GGACT: variants seen among roughly 807,000 people sequenced by gnomAD.
GGACT encodes gamma-glutamylaminecyclotransferase.
For synonymous variants in GGACT, 118 were observed against 115.3 expected, an observed-to-expected ratio of 1.02 and a Z score of -0.15; for missense variants, 241 against 233.2, an observed-to-expected ratio of 1.03 and a Z score of -0.22.
intron 1 of GGACT, among the ~76,000 whole-genome samples, chr13:100,584,396 T>A (rs1642301783): frequency 6.6e-6 from 1 of 152,192 alleles, no homozygotes; most frequent in Admixed American, 6.5e-5. Context: ...CTTTGCATGT[T>A]CTTACTCATT....
At chr13:100,575,745 C>T (rs112291783) in intron 2 of GGACT, among the ~76,000 whole-genome samples, 4,688 of 152,248 alleles carry the variant, frequency 0.031, 105 homozygotes, top group Non-Finnish European at 0.05. Flanking sequence ...GCCTGGGTGA[C>T]ATAGTGAGAC....
chr13:100,554,136 T>C (rs1381239026), intron 2 of GGACT, among the ~76,000 whole-genome samples: 2 of 152,176 alleles, frequency 1.3e-5, no homozygotes, highest in South Asian at 2.1e-4. Context: ...TTCATGGACA[T>C]TGCCTGGCCT....
chr13:100,530,628 C>A lies in GGACT; in HGVS notation c.*1502G>T, dbSNP rs1426013420. ...GCCTTACTACTTCTAGAAGTGAGGCCCTCACTCCTGGTGCTGATTTTCAAA... is the reference window on the plus strand; with the variant it reads ...GCCTTACTACTTCTAGAAGTGAGGCACTCACTCCTGGTGCTGATTTTCAAA... On this transcript the variant is annotated 3_prime_UTR_variant, in exon 3 of 3. Coordinates refer to ENST00000683975, the MANE Select transcript of GGACT (RefSeq NM_001195087.2). 7.8e-6 allele frequency: 2 copies of A among 256,160 alleles called. No individual in the cohort carries two copies. The highest frequency in any genetic ancestry group is 1.5e-5 in the Non-Finnish European group (2 of 131,672). The allele number at this position is 256,160 out of a possible 1,614,324, so 15.9% of individuals were successfully genotyped here.
chr13:100,572,054 T>A (rs916576727), intron 2 of GGACT, among the ~76,000 whole-genome samples: 1 of 152,214 alleles, frequency 6.6e-6, no homozygotes, highest in Non-Finnish European at 1.5e-5. Context: ...TATAAGCCCT[T>A]CTCTGCATTG....
chr13:100,539,262 A>C (rs1223701133), intron 2 of GGACT: 2 of 152,334 alleles, frequency 1.3e-5, no homozygotes, highest in Non-Finnish European at 2.9e-5. Flanking sequence ...AACTGATGAA[A>C]GCAGCATCCT....
intron 2 of GGACT, among the ~76,000 whole-genome samples, chr13:100,568,032 C>T (rs58791925): frequency 0.023 from 3,523 of 152,254 alleles, 138 homozygotes; most frequent in African/African-American, 0.08. Flanking sequence ...CCAATTGAAT[C>T]GGGTTCCTTT....
In GGACT at chr13:100,545,334, G is replaced by A. The variant is rs1417187685; in HGVS notation, c.-10-12733C>T. ...TGCAGATGGGGAAGCTGGGGCAGAG[G>A]TGAAGTGACTCACACACAAGGCGAC... is the stretch of plus-strand genomic sequence containing the variant. On this transcript the variant is annotated intron_variant, in intron 2 of 2. Coordinates refer to ENST00000683975, the MANE Select transcript of GGACT (RefSeq NM_001195087.2). This position sits in a 1 kb window ranked among gnomAD's most constrained non-coding sequence, Gnocchi z 4.4. Among the ~76,000 whole-genome samples the A allele has an allele frequency of 6.6e-6, 1 of 152,210 alleles. No homozygotes were observed.
intron 2 of GGACT, among the ~76,000 whole-genome samples, chr13:100,566,684 T>C (rs1057151478): frequency 1.3e-5 from 2 of 152,220 alleles, no homozygotes; most frequent in African/African-American, 4.8e-5. Flanking sequence ...AGTAAACCAC[T>C]GGTTAGTTGC....
intron 2 of GGACT, among the ~76,000 whole-genome samples, chr13:100,577,813 G>T (rs1328807200): frequency 6.6e-6 from 1 of 151,968 alleles, no homozygotes; most frequent in African/African-American, 2.4e-5. Flanking sequence ...GAGAAGGAAA[G>T]TAGGGAGGGA....
chr13:100,578,236 C>T (rs1411326462), intron 2 of GGACT, among the ~76,000 whole-genome samples: 2 of 152,188 alleles, frequency 1.3e-5, no homozygotes, highest in South Asian at 4.1e-4. Context: ...GGAGAGAGCA[C>T]CTCCCTGGAC....
chr13:100,547,280 T>C (rs1311228812), intron 2 of GGACT, among the ~76,000 whole-genome samples: 1 of 151,932 alleles, frequency 6.6e-6, no homozygotes, highest in East Asian at 1.9e-4. Flanking sequence ...AAAACTCACC[T>C]CCCGGGACAG....
intron 2 of GGACT, among the ~76,000 whole-genome samples, chr13:100,562,493 A>G (rs987609727): frequency 1.3e-5 from 2 of 152,120 alleles, no homozygotes; most frequent in Admixed American, 1.3e-4. Flanking sequence ...AAGTCACACC[A>G]CTGGTAAGAG....
chr13:100,533,113 C>T (rs753194708), intron 2 of GGACT, among the ~76,000 whole-genome samples: 2 of 152,244 alleles, frequency 1.3e-5, no homozygotes, highest in African/African-American at 2.4e-5. Context: ...CTGCTGACTG[C>T]GCAGCCTCCC....
chr13:100,556,210 T>A (rs188435425), intron 2 of GGACT, among the ~76,000 whole-genome samples: 1 of 152,242 alleles, frequency 6.6e-6, no homozygotes, highest in South Asian at 2.1e-4. Context: ...TTAACATAAC[T>A]GTCAGTACAG....
chr13:100,579,105 A>T (rs996285952), intron 2 of GGACT, among the ~76,000 whole-genome samples: 5 of 152,180 alleles, frequency 3.3e-5, no homozygotes, highest in African/African-American at 1.2e-4. Flanking sequence ...GTTCTTTCTT[A>T]CTGGGTGCCC....
chr13:100,587,793 C>A (rs146939752), intron 1 of GGACT, among the ~76,000 whole-genome samples: 1 of 152,176 alleles, frequency 6.6e-6, no homozygotes, highest in Non-Finnish European at 1.5e-5. Context: ...TTTGGGAGGC[C>A]AAGGCGGGCG....
intron 2 of GGACT, among the ~76,000 whole-genome samples, chr13:100,535,379 C>T (rs1173955625): frequency 1.3e-5 from 2 of 152,194 alleles, no homozygotes; most frequent in Non-Finnish European, 2.9e-5. Flanking sequence ...ATATCTTGCC[C>T]TTCTACTCAA....
intron 2 of GGACT, among the ~76,000 whole-genome samples, chr13:100,574,019 C>T (rs1417822032): frequency 2.6e-5 from 4 of 152,198 alleles, no homozygotes; most frequent in Admixed American, 2.6e-4. Context: ...ACCTACCTAG[C>T]AATCCCATTA....
intron 2 of GGACT, among the ~76,000 whole-genome samples, chr13:100,549,986 A>G (rs766247640): frequency 6.6e-6 from 1 of 152,218 alleles, no homozygotes; most frequent in Non-Finnish European, 1.5e-5. Context: ...CAGTGCTTGT[A>G]TAATTACCCC....
Sources: gnomAD v4.1 joint callset for allele counts (sites outside exome capture counted in the v4.1 genomes callset) on GRCh38, gnomAD v4.1.1 for gene constraint, Gnocchi (gnomAD v3.1) non-coding constraint, MANE v1.5 for transcripts, NCBI Gene and HGNC (gene_info 2026-07-23, HGNC 2026-07-21) for gene names.